The following LRRC37A variants were observed in gnomAD, a reference collection of about 807,000 sequenced individuals.
LRRC37A encodes the protein leucine-rich repeat-containing protein 37A.
Under a neutral mutation model 35.4 loss-of-function variants are expected in LRRC37A, and 3 were observed. The observed-to-expected ratio is 0.08, with a 90% CI of 0.04 to 0.22. LRRC37A has a LOEUF of 0.22. Ranked by LOEUF, LRRC37A falls within the 10% of genes least tolerant of loss-of-function variation. The pLI, the probability that LRRC37A is intolerant of heterozygous loss-of-function variation, is 1.00. For synonymous variants in LRRC37A, 23 were observed against 215.0 expected (o/e 0.11, Z 7.81); for missense variants, 67 against 565.3 (o/e 0.12, Z 8.94).
the LRRC37A span, among the ~76,000 whole-genome samples, chr17:46,276,064 T>C: frequency 6.6e-6 from 1 of 152,214 alleles, no homozygotes; most frequent in Non-Finnish European, 1.5e-5. Flanking sequence ...CTAATTTTTG[T>C]ACTTTTTGTA....
chr17:46,289,252 G>A (rs145939333), upstream of LRRC37A, among the ~76,000 whole-genome samples: 282 of 152,188 alleles, frequency 1.9e-3, 2 homozygotes, highest in African/African-American at 3.6e-3. Flanking sequence ...ACATAAACAC[G>A]GCTTGCTATA....
the LRRC37A span, among the ~76,000 whole-genome samples, chr17:46,258,440 A>G: frequency 1.3e-5 from 2 of 151,172 alleles, no homozygotes; most frequent in Admixed American, 1.3e-4. Context: ...TGATCTCTTG[A>G]CCTTGTGATC....
rs1430929954 is a variant in LRRC37A, at chr17:46,325,979, T to C, written c.3054-2413T>C. ...TAAAAAGTTGGGGGCAGAAAAAGAA[T>C]ACCAAAAATTTTGGGCTCATGCCTG... On this transcript the variant is annotated intron_variant, in intron 7 of 13. Coordinates refer to ENST00000320254, the Ensembl canonical transcript of LRRC37A. Among the ~76,000 whole-genome samples, 3 of 66,628 alleles carry C rather than the reference T, an allele frequency of 4.5e-5. 1 individual carries two copies. The East Asian group carries it at 7.7e-4, about 17-fold the overall frequency. 43.7% of individuals were successfully genotyped at this position (66,628 alleles called of 152,430 possible). A position where few individuals can be genotyped will look rare whatever the true frequency, so the allele number is the denominator to read the frequency against.
At chr17:46,265,826 G>C in the LRRC37A span, among the ~76,000 whole-genome samples, 3 of 152,008 alleles carry the variant, frequency 2.0e-5, no homozygotes, top group Non-Finnish European at 4.4e-5. Context: ...GCCGGCCGTC[G>C]TGGCTGATGC....
At chr17:46,281,348 A>G in the LRRC37A span, among the ~76,000 whole-genome samples, 1 of 151,824 alleles carries the variant, frequency 6.6e-6, no homozygotes, top group Non-Finnish European at 1.5e-5. Context: ...GCTAGAATTT[A>G]AAGTCCCGTG....
the LRRC37A span, among the ~76,000 whole-genome samples, chr17:46,262,381 TC>T: frequency 0.13 from 19,344 of 151,816 alleles, no homozygotes; most frequent in Middle Eastern, 0.2. Context: ...TTCTTCTTCT[TC>T]TTTTTTAATT....
the LRRC37A span, among the ~76,000 whole-genome samples, chr17:46,263,550 C>CA: frequency 0.11 from 6,563 of 61,882 alleles, 492 homozygotes; most frequent in Non-Finnish European, 0.13. Flanking sequence ...GACTCTGTCT[C>CA]AAAAAAAAAA....
chr17:46,268,058 G>A, the LRRC37A span, among the ~76,000 whole-genome samples: 1 of 151,714 alleles, frequency 6.6e-6, no homozygotes, highest in African/African-American at 2.4e-5. Flanking sequence ...GAGCCACTGC[G>A]CCCAGCCCCA....
chr17:46,265,294 C>G, the LRRC37A span, among the ~76,000 whole-genome samples: 5 of 100,944 alleles, frequency 5.0e-5, no homozygotes, highest in Non-Finnish European at 1.1e-4. Flanking sequence ...TCTTCTTCTT[C>G]TTCTTCTTCT....
the LRRC37A span, among the ~76,000 whole-genome samples, chr17:46,286,810 G>A: frequency 6.6e-6 from 1 of 152,238 alleles, no homozygotes; most frequent in Non-Finnish European, 1.5e-5. Flanking sequence ...GACTGCAGGT[G>A]TTCTGCAGAT....
chr17:46,273,454 G>A, the LRRC37A span, among the ~76,000 whole-genome samples: 1 of 152,232 alleles, frequency 6.6e-6, no homozygotes, highest in East Asian at 1.9e-4. Context: ...CTGTACACCT[G>A]AGCCTGTAAT....
chr17:46,253,743 G>A, the LRRC37A span, among the ~76,000 whole-genome samples: 24 of 150,712 alleles, frequency 1.6e-4, no homozygotes, highest in East Asian at 4.5e-3. Context: ...AGAGGGAGAG[G>A]GAGACCGTGG....
At chr17:46,282,675 G>A in the LRRC37A span, among the ~76,000 whole-genome samples, 1 of 151,986 alleles carries the variant, frequency 6.6e-6, no homozygotes, top group African/African-American at 2.4e-5. Flanking sequence ...TCCCCACTCG[G>A]CTTCCCAAAG....
intron 5 of LRRC37A, among the ~76,000 whole-genome samples, chr17:46,307,718 C>A (rs1432755799): frequency 1.3e-5 from 1 of 76,582 alleles, no homozygotes; most frequent in Admixed American, 1.4e-4. Flanking sequence ...CACTGGGAGT[C>A]CCTCATAAAA....
chr17:46,290,560 C>T (rs900419141), upstream of LRRC37A, among the ~76,000 whole-genome samples: 2 of 152,192 alleles, frequency 1.3e-5, no homozygotes, highest in African/African-American at 4.8e-5. Flanking sequence ...GATTCTCCTC[C>T]CTCAGCCTCC....
At chr17:46,266,882 G>A in the LRRC37A span, among the ~76,000 whole-genome samples, 1 of 149,324 alleles carries the variant, frequency 6.7e-6, no homozygotes, top group Admixed American at 6.7e-5. Context: ...GACGGAGGAA[G>A]CCCCGAGACG....
upstream of LRRC37A, among the ~76,000 whole-genome samples, chr17:46,290,790 T>C (rs1266227657): frequency 1.4e-4 from 22 of 152,324 alleles, no homozygotes; most frequent in Non-Finnish European, 1.9e-4. Context: ...AGACTTCATA[T>C]AGATGTCTAT....
the LRRC37A span, among the ~76,000 whole-genome samples, chr17:46,279,996 A>G: frequency 6.6e-6 from 1 of 152,190 alleles, no homozygotes; most frequent in Non-Finnish European, 1.5e-5. Flanking sequence ...TGCTTACCGC[A>G]CAGCCTGCTG....
the LRRC37A span, chr17:46,266,914 CT>C: frequency 3.8e-6 from 1 of 262,942 alleles, no homozygotes; most frequent in African/African-American, 2.3e-5. Flanking sequence ...GGGCCCTACG[CT>C]TCCCCGCCGC....
Sources: allele counts gnomAD v4.1 joint callset (sites outside exome capture counted in the v4.1 genomes callset), GRCh38; gene constraint gnomAD v4.1.1; transcripts MANE v1.5; gene names NCBI Gene and HGNC (gene_info 2026-07-23, HGNC 2026-07-21).